The following DEFB112 variants were observed in gnomAD, a reference collection of about 807,000 sequenced individuals.
The protein encoded by DEFB112 is defensin beta 112, also known as beta-defensin 112.
A neutral mutation model predicts 1.1 loss-of-function variants in DEFB112; 2 were observed. The observed-to-expected ratio is 1.85, with a 90% CI of 0.76 to 5.83. The LOEUF (loss-of-function observed/expected upper bound fraction) is 5.83. DEFB112 is among the 30% of genes most tolerant of loss of function. The probability of loss-of-function intolerance (pLI) is 0.05; values close to 1 mark genes in which losing one functional copy is unlikely to be tolerated. For missense variants in DEFB112, 120 were observed against 94.4 expected (o/e 1.27, Z -1.12); for synonymous variants, 40 against 31.2 (o/e 1.28, Z -0.93).
Position 50,042,800 on chromosome 6 carries a change from A to C in DEFB112, c.*775T>G, listed in dbSNP as rs1003943153. Among the ~76,000 whole-genome samples, 4 of 152,054 alleles carry C rather than the reference A, an allele frequency of 2.6e-5. No individual in the cohort carries two copies. Among genetic ancestry groups the C allele is most frequent in the Non-Finnish European group, 5.9e-5 (4 of 67,950 alleles). On this transcript the variant is annotated 3_prime_UTR_variant, in exon 2 of 2. Transcript: ENST00000651554. ...TATAATAGAAATTATATGTGTGAGCATGCATACACACATATATAATTCTGT... is the reference window on the plus strand; with the variant it reads ...TATAATAGAAATTATATGTGTGAGCCTGCATACACACATATATAATTCTGT...
chr6:50,047,912 G>A lies in DEFB112; in HGVS notation c.58+1900C>T, dbSNP rs367785953. On this transcript the variant is annotated intron_variant, in intron 1 of 1. Transcript: ENST00000651554. ...TGTAATCCCAGCATTTTGGGAGGCCGTGGCAGGTAGATCACCTCAGGTCAG... is the reference window on the plus strand; with the variant it reads ...TGTAATCCCAGCATTTTGGGAGGCCATGGCAGGTAGATCACCTCAGGTCAG... 9.0e-4 allele frequency among the ~76,000 whole-genome samples: 137 copies of A among 152,182 alleles called. No individual in the cohort carries two copies. In the Middle Eastern group the frequency reaches 0.014, roughly 15 times the overall value.
Position 50,042,393 on chromosome 6 carries a change from G to A in DEFB112, c.*1182C>T, listed in dbSNP as rs1480056176. Among the ~76,000 whole-genome samples the A allele has an allele frequency of 1.3e-5, 2 of 152,050 alleles. No individual in the cohort carries two copies. The highest frequency in any genetic ancestry group is 2.4e-5 in the African/African-American group (1 of 41,430). Reference sequence around the variant, plus strand: ...TATAAGATTAACCCAAAGCTGAAATGTGTATATGTCACAGCAGCATAAGAA... The same window carrying A: ...TATAAGATTAACCCAAAGCTGAAATATGTATATGTCACAGCAGCATAAGAA... On this transcript the variant is annotated 3_prime_UTR_variant, in exon 2 of 2. Coordinates refer to ENST00000651554, the MANE Select transcript of DEFB112 (RefSeq NM_001369057.2).
intron 1 of DEFB112, among the ~76,000 whole-genome samples, chr6:50,045,061 A>C (rs613581): frequency 0.086 from 13,030 of 151,976 alleles, 1,500 homozygotes; most frequent in African/African-American, 0.26. Context: ...CATCTAGGAG[A>C]CAGCACTTTA....
rs1283975451 is a variant in DEFB112 at position 50,043,559 on chromosome 6, T to C, written c.*16A>G. ...GACTTCATTCAGATGTATCATCTTC[T>C]TGTGCATGGATTTCTTCAATGACGT... On this transcript the variant is annotated 3_prime_UTR_variant, in exon 2 of 2. Transcript: ENST00000651554. 6.3e-7 allele frequency: 1 copy of C among 1,598,122 alleles called. No individual in the cohort carries two copies. Among genetic ancestry groups the C allele is most frequent in the Admixed American group, 1.7e-5 (1 of 59,618 alleles).
chr6:50,044,086 A>C (rs1481969469), intron 1 of DEFB112, among the ~76,000 whole-genome samples: 1 of 152,026 alleles, frequency 6.6e-6, no homozygotes, highest in Non-Finnish European at 1.5e-5. Flanking sequence ...TGTCTTGTAC[A>C]TTGACTAGAA....
At chr6:50,046,235 G>GTGTT (rs1359466310) in intron 1 of DEFB112, among the ~76,000 whole-genome samples, 2 of 151,302 alleles carry the variant, frequency 1.3e-5, no homozygotes, top group Non-Finnish European at 3.0e-5. Context: ...GTGTGTGTGT[G>GTGTT]TGTGTGTGTG....
chr6:50,048,560 T>C (rs756107012), intron 1 of DEFB112: 1 of 1,613,650 alleles, frequency 6.2e-7, no homozygotes, highest in Admixed American at 1.7e-5. Flanking sequence ...CTCTGTCCCA[T>C]GTCGGGCCTT....
intron 1 of DEFB112, among the ~76,000 whole-genome samples, chr6:50,046,482 T>A (rs1774836481): frequency 6.6e-6 from 1 of 152,130 alleles, no homozygotes; most frequent in African/African-American, 2.4e-5. Flanking sequence ...TATTGAATAA[T>A]CTTCTGTTGG....
intron 1 of DEFB112, among the ~76,000 whole-genome samples, chr6:50,045,156 A>G (rs2113957695): frequency 6.6e-6 from 1 of 152,168 alleles, no homozygotes; most frequent in East Asian, 1.9e-4. Flanking sequence ...TTTCAAGCCC[A>G]TATTTACCCT....
Position 50,043,066 on chromosome 6 carries a change from C to T in DEFB112, c.*509G>A, listed in dbSNP as rs1774771348. ...TTGAGATTATTCTTGGAAAAAAAAT[C>T]AGTTATTTTTATTTTCATAATTCTT... is the stretch of plus-strand genomic sequence containing the variant. On this transcript the variant is annotated 3_prime_UTR_variant, in exon 2 of 2. Coordinates refer to ENST00000651554, the MANE Select transcript of DEFB112 (RefSeq NM_001369057.2). Among the ~76,000 whole-genome samples, 1 of 151,896 alleles carries T rather than the reference C, an allele frequency of 6.6e-6. No homozygotes were observed. The highest frequency in any genetic ancestry group is 1.5e-5 in the Non-Finnish European group (1 of 67,916).
In DEFB112 at chr6:50,045,719, T is replaced by C. The variant is rs532862415; in HGVS notation, c.59-1918A>G. ...TACAACCTATCACATACCTAGGCTGTAAGGTATAGCCTATTACTCCTGATC... is the reference window on the plus strand; with the variant it reads ...TACAACCTATCACATACCTAGGCTGCAAGGTATAGCCTATTACTCCTGATC... On this transcript the variant is annotated intron_variant, in intron 1 of 1. Coordinates refer to ENST00000651554, the MANE Select transcript of DEFB112 (RefSeq NM_001369057.2). 9.2e-5 allele frequency among the ~76,000 whole-genome samples: 14 copies of C among 152,260 alleles called. No individual in the cohort carries two copies. The South Asian group carries it at 2.3e-3, about 25-fold the overall frequency.
chr6:50,044,207 C>A (rs1477588819), intron 1 of DEFB112, among the ~76,000 whole-genome samples: 8 of 151,912 alleles, frequency 5.3e-5, no homozygotes, highest in Admixed American at 5.3e-4. Context: ...TCTTTTTAAC[C>A]TGACTTGAGC....
chr6:50,044,600 G>T (rs539122535), intron 1 of DEFB112, among the ~76,000 whole-genome samples: 15 of 152,176 alleles, frequency 9.9e-5, no homozygotes, highest in African/African-American at 3.1e-4. Flanking sequence ...ATCTGTAGTT[G>T]CAGATATTCA....
chr6:50,047,157 C>A (rs1400665065), intron 1 of DEFB112, among the ~76,000 whole-genome samples: 1 of 152,176 alleles, frequency 6.6e-6, no homozygotes, highest in Non-Finnish European at 1.5e-5. Flanking sequence ...CTTGAACTAG[C>A]ACTAGGGCTA....
chr6:50,048,603 A>G lies in DEFB112; in HGVS notation c.58+1209T>C, dbSNP rs769328567. ...ATTGTGGAAGATGTATTTGTCTTTG[A>G]GTACATTTTTTCAAGTTTCAGTCTA... On this transcript the variant is annotated intron_variant, in intron 1 of 1. Coordinates refer to ENST00000651554, the MANE Select transcript of DEFB112 (RefSeq NM_001369057.2). The G allele has an allele frequency of 3.1e-6, 5 of 1,613,512 alleles. No homozygotes were observed. In the African/African-American group the frequency reaches 4.0e-5, roughly 13 times the overall value.
At chr6:50,047,584 A>G (rs548603729) in intron 1 of DEFB112, among the ~76,000 whole-genome samples, 14 of 152,266 alleles carry the variant, frequency 9.2e-5, no homozygotes, top group Non-Finnish European at 8.8e-5. Flanking sequence ...ATAATTGTTC[A>G]AATTAGTGAT....
At chr6:50,049,096 T>A (rs564887497) in intron 1 of DEFB112, among the ~76,000 whole-genome samples, 7 of 152,124 alleles carry the variant, frequency 4.6e-5, no homozygotes, top group Non-Finnish European at 8.8e-5. Context: ...ACTCCCTTGT[T>A]GGTTTACATT....
chr6:50,045,044 A>G lies in DEFB112; in HGVS notation c.59-1243T>C, dbSNP rs78849196. Among the ~76,000 whole-genome samples the G allele has an allele frequency of 8.8e-3, 1,341 of 152,132 alleles. 15 individuals are homozygous for G. Among genetic ancestry groups the G allele is most frequent in the African/African-American group, 0.028 (1,150 of 41,526 alleles). On this transcript the variant is annotated intron_variant, in intron 1 of 1. Transcript: ENST00000651554. ...ATACTCTGGATTTGCAGTGATGTGTACTCAGTCATCTAGGAGACAGCACTT... is the reference window on the plus strand; with the variant it reads ...ATACTCTGGATTTGCAGTGATGTGTGCTCAGTCATCTAGGAGACAGCACTT...
intron 1 of DEFB112, among the ~76,000 whole-genome samples, chr6:50,044,801 T>C (rs187510959): frequency 4.6e-5 from 7 of 152,222 alleles, no homozygotes; most frequent in Admixed American, 4.6e-4. Context: ...AGAAGGTGGA[T>C]AAAAATGACC....
Sources: gnomAD v4.1 joint callset for allele counts (sites outside exome capture counted in the v4.1 genomes callset) on GRCh38, gnomAD v4.1.1 for gene constraint, MANE v1.5 for transcripts, NCBI Gene and HGNC (gene_info 2026-07-23, HGNC 2026-07-21) for gene names.